ADD2: variants seen among roughly 807,000 people sequenced by gnomAD.
ADD2 encodes the protein adducin 2, also known as beta-adducin.
ADD2 carries 23 observed loss-of-function variants against 83.0 expected under a neutral mutation model. The ratio of observed to expected loss-of-function variants is 0.28; its 90% CI spans 0.20 to 0.39. The LOEUF is 0.39. ADD2 is among the 10% of genes least tolerant of loss of function. The pLI is 1.00. For missense variants in ADD2, 758 were observed against 944.9 expected, an observed-to-expected ratio of 0.80 and a Z score of 2.59; for synonymous variants, 375 against 375.4, an observed-to-expected ratio of 1.00 and a Z score of 0.01.
At chr2:70,712,766 G>A (rs543187382) in intron 2 of ADD2, among the ~76,000 whole-genome samples, 18 of 152,286 alleles carry the variant, frequency 1.2e-4, no homozygotes, top group African/African-American at 3.8e-4. Context: ...ATGGGAAGGT[G>A]GAACAGGCTG....
At chr2:70,750,829 G>A (rs1674469523) in intron 1 of ADD2, among the ~76,000 whole-genome samples, 1 of 152,146 alleles carries the variant, frequency 6.6e-6, no homozygotes, top group Admixed American at 6.5e-5. Context: ...TTATAACCAT[G>A]TCTAAATTAC....
chr2:70,735,160 G>A (rs1558568334), intron 1 of ADD2, among the ~76,000 whole-genome samples: 3 of 152,128 alleles, frequency 2.0e-5, no homozygotes, highest in African/African-American at 7.2e-5. Flanking sequence ...AATGATGATG[G>A]TGATTGTTTT....
At chr2:70,704,294 C>T in intron 4 of ADD2, 27 bp downstream of exon 4, 1 of 1,192,680 alleles carries the variant, frequency 8.4e-7, no homozygotes, top group Non-Finnish European at 1.2e-6. Flanking sequence ...CACCTCTGCT[C>T]CTGGCAGCTC....
At position 70,677,758 on chromosome 2, in the gene ADD2, C is replaced by T. The variant is rs781877025; in HGVS notation, c.1503G>A (p.Lys501=). 8.7e-6 allele frequency: 14 copies of T among 1,614,144 alleles called. No individual in the cohort carries two copies. The highest frequency in any genetic ancestry group is 3.3e-5 in the Admixed American group (2 of 60,028). Residue 501 remains lysine, a splice_region_variant and synonymous_variant, in exon 12 of 16, where the codon AAG becomes AAA. Coordinates refer to ENST00000264436, the MANE Select transcript of ADD2 (RefSeq NM_001617.4). ...DPQEVLEMRN[K]IREQNRQDVK... is the part of the protein sequence containing the mutation. ...AGTGGGATAAACAGACCCCACTTAC[C>T]TTGTTCCTCATCTCCAGTACTTCCT...
chr2:70,722,161 G>C (rs941637732), intron 1 of ADD2, among the ~76,000 whole-genome samples: 5 of 152,172 alleles, frequency 3.3e-5, no homozygotes, highest in African/African-American at 1.2e-4. Context: ...TTTGTTGTAG[G>C]TCTCAGAAGT....
intron 1 of ADD2, among the ~76,000 whole-genome samples, chr2:70,736,789 T>TA (rs1673586911): frequency 6.6e-6 from 1 of 151,790 alleles, no homozygotes; most frequent in African/African-American, 2.4e-5. Flanking sequence ...TTTTTTTTTT[T>TA]AAGTTGAATG....
At chr2:70,703,296 A>G (rs1671705928) in intron 4 of ADD2, among the ~76,000 whole-genome samples, 1 of 152,176 alleles carries the variant, frequency 6.6e-6, no homozygotes, top group Non-Finnish European at 1.5e-5. Context: ...TAATATATCC[A>G]ACCTCATCAG....
At chr2:70,691,019 G>C in intron 7 of ADD2, 90 bp from the exon 8 acceptor site, 1 of 1,431,586 alleles carries the variant, frequency 7.0e-7, no homozygotes, top group South Asian at 1.5e-5. Context: ...GGGGGCCAGT[G>C]AGGGGTGAGG....
In ADD2 at chr2:70,767,954, G is replaced by C. The variant is rs1327796437; in HGVS notation, c.-222C>G. ...TTGGTTTTGTTATTTTATGGGTTTG[G>C]GGGGTGGGGTGCGCTTAAAAAATCC... On this transcript the variant is annotated 5_prime_UTR_variant, in exon 1 of 16. Transcript: ENST00000264436. 2.1e-5 allele frequency: 32 copies of C among 1,535,686 alleles called. No homozygotes were observed. The highest frequency in any genetic ancestry group is 1.2e-4 in the African/African-American group (9 of 73,010).
intron 10 of ADD2, among the ~76,000 whole-genome samples, chr2:70,683,334 C>T (rs1478988747): frequency 2.6e-5 from 4 of 152,074 alleles, no homozygotes; most frequent in Admixed American, 6.6e-5. Flanking sequence ...GCCTGGACTA[C>T]GACTTTTCAT....
intron 1 of ADD2, among the ~76,000 whole-genome samples, chr2:70,750,491 A>G (rs113246157): frequency 9.1e-4 from 139 of 152,308 alleles, no homozygotes; most frequent in African/African-American, 3.2e-3. Flanking sequence ...GAATGGGAAG[A>G]TTTAGTCATC....
chr2:70,759,921 T>C (rs1180728358), intron 1 of ADD2, among the ~76,000 whole-genome samples: 6 of 152,158 alleles, frequency 3.9e-5, no homozygotes, highest in Admixed American at 3.9e-4. Flanking sequence ...CCACTGACCA[T>C]ACCACAGCCC....
rs1287662406 is a variant in ADD2, at chr2:70,674,880, AG to A, written c.1594-56del. On this transcript the variant is annotated intron_variant, in intron 13 of 15. Transcript: ENST00000264436. ...TCTCTGAACGCCGCAGTTGGGGTGC[AG>A]GCCCCAGCTTCCTTTTAGATTCATG... 22 of 1,571,324 alleles carry A rather than the reference AG, an allele frequency of 1.4e-5. No individual in the cohort carries two copies. In the East Asian group the frequency reaches 4.5e-4, roughly 32 times the overall value.
At chr2:70,729,776 CTATT>C (rs1673190203) in intron 1 of ADD2, among the ~76,000 whole-genome samples, 1 of 152,176 alleles carries the variant, frequency 6.6e-6, no homozygotes, top group Non-Finnish European at 1.5e-5. Context: ...CCATCAGAAA[CTATT>C]TAAACCTTGT....
At chr2:70,727,800 G>A (rs1467510352) in intron 1 of ADD2, among the ~76,000 whole-genome samples, 1 of 152,022 alleles carries the variant, frequency 6.6e-6, no homozygotes, top group African/African-American at 2.4e-5. Flanking sequence ...GGAGGCTGAA[G>A]CAGGAGAATT....
chr2:70,718,664 C>T (rs2104430007), intron 1 of ADD2, among the ~76,000 whole-genome samples: 1 of 152,284 alleles, frequency 6.6e-6, no homozygotes, highest in Admixed American at 6.5e-5. Context: ...GTGCTATGCC[C>T]AGCCCTGCAG....
intron 1 of ADD2, among the ~76,000 whole-genome samples, chr2:70,713,394 C>T (rs542691029): frequency 6.6e-6 from 1 of 152,274 alleles, no homozygotes; most frequent in East Asian, 1.9e-4. Flanking sequence ...GGGGGGATCA[C>T]GAGGTCAAGA....
intron 1 of ADD2, among the ~76,000 whole-genome samples, chr2:70,743,662 G>A (rs760627274): frequency 1.4e-4 from 22 of 152,226 alleles, no homozygotes; most frequent in Non-Finnish European, 2.8e-4. Context: ...ACCTAGAGTA[G>A]AGGCTTCCTG....
At position 70,674,793 on chromosome 2, in the gene ADD2, G is replaced by T. The variant is rs782116985; in HGVS notation, c.1626C>A (p.Asp542Glu). The change falls in exon 14 of 16, where the codon GAC becomes GAA. Residue 542 changes from aspartate (D) to glutamate (E), a missense_variant. Transcript: ENST00000264436. ...CCTCTGAATCGTCTTTGGTATCCTC[G>T]TCTCCCTTGGACATCAGCTGGCTCT... is the stretch of plus-strand genomic sequence containing the variant. Reference protein sequence around the residue: ...STESQLMSKGDEDTKDDSEET... With the variant: ...STESQLMSKGEEDTKDDSEET... 8 of 1,613,960 alleles carry T rather than the reference G, an allele frequency of 5.0e-6. No individual in the cohort carries two copies. The highest frequency in any genetic ancestry group is 1.3e-5 in the African/African-American group (1 of 74,902).
Sources: allele counts gnomAD v4.1 joint callset (sites outside exome capture counted in the v4.1 genomes callset), GRCh38; gene constraint gnomAD v4.1.1; transcripts MANE v1.5; gene names NCBI Gene and HGNC (gene_info 2026-07-23, HGNC 2026-07-21).